Variants in TSGA10 observed in about 807,000 individuals in gnomAD.
The protein encoded by TSGA10 is testis specific 10.
In TSGA10, 43 loss-of-function variants were observed where a neutral mutation model predicts 96.6. The ratio of observed to expected loss-of-function variants is 0.44; its 90% CI spans 0.35 to 0.57. The LOEUF (loss-of-function observed/expected upper bound fraction) is 0.57, where lower values mean the gene tolerates loss of function less well. TSGA10 is among the 20% of genes least tolerant of loss of function. The probability of loss-of-function intolerance (pLI) is 0.01; values close to 1 mark genes in which losing one functional copy is unlikely to be tolerated. For synonymous variants in TSGA10, 229 were observed against 269.9 expected (o/e 0.85, Z 1.48); for missense variants, 703 against 834.4 (o/e 0.84, Z 1.94).
intron 4 of TSGA10, among the ~76,000 whole-genome samples, chr2:99,116,017 A>T (rs2092235704): frequency 6.6e-6 from 1 of 152,226 alleles, no homozygotes; most frequent in Non-Finnish European, 1.5e-5. Flanking sequence ...AATTACTTTA[A>T]CAGTGACTTC....
chr2:99,031,854 C>T (rs1362069121), intron 17 of TSGA10, among the ~76,000 whole-genome samples: 3 of 152,192 alleles, frequency 2.0e-5, no homozygotes, highest in Admixed American at 6.5e-5. Flanking sequence ...CTCAGTTGTG[C>T]ACTCTTTAAA....
At chr2:99,060,861 C>T (rs1437021207) in intron 16 of TSGA10, among the ~76,000 whole-genome samples, 1 of 152,070 alleles carries the variant, frequency 6.6e-6, no homozygotes, top group Non-Finnish European at 1.5e-5. Flanking sequence ...TGCTGGATAC[C>T]TTCATATCTG....
intron 16 of TSGA10, among the ~76,000 whole-genome samples, chr2:99,063,841 A>G (rs561731176): frequency 1.8e-4 from 27 of 152,236 alleles, no homozygotes; most frequent in African/African-American, 5.3e-4. Context: ...TAAGCTATGC[A>G]ATAGAAAAAT....
At chr2:99,087,272 C>G (rs2088631977) in intron 10 of TSGA10, among the ~76,000 whole-genome samples, 1 of 151,764 alleles carries the variant, frequency 6.6e-6, no homozygotes, top group South Asian at 2.1e-4. Context: ...TTTGGGAGGT[C>G]GAGGCAGGCA....
At chr2:99,081,466 C>T in intron 10 of TSGA10, 69 bp from the exon 11 acceptor site, 3 of 734,176 alleles carry the variant, frequency 4.1e-6, no homozygotes, top group South Asian at 5.2e-5. Context: ...GTGTTTAAAT[C>T]TAAAAACTTT....
intron 10 of TSGA10, among the ~76,000 whole-genome samples, chr2:99,088,744 A>T (rs2088892033): frequency 6.6e-6 from 1 of 152,222 alleles, no homozygotes; most frequent in Non-Finnish European, 1.5e-5. Flanking sequence ...ATTTTACAGC[A>T]GTCTTATTCA....
intron 15 of TSGA10, 53 bp from the exon 16 acceptor site, chr2:99,065,177 T>A (rs56215600): frequency 6.4e-7 from 1 of 1,556,914 alleles, no homozygotes; most frequent in Non-Finnish European, 8.7e-7. Flanking sequence ...ATGATAAAAA[T>A]TAAACATTAT....
At chr2:99,098,812 G>A (rs192809490) in intron 10 of TSGA10, among the ~76,000 whole-genome samples, 50 of 152,074 alleles carry the variant, frequency 3.3e-4, no homozygotes, top group African/African-American at 9.6e-4. Flanking sequence ...ACTAACTTGC[G>A]TAAGAAGGAA....
At chr2:99,146,011 CG>C (rs1299115191) in intron 1 of TSGA10, among the ~76,000 whole-genome samples, 1 of 152,020 alleles carries the variant, frequency 6.6e-6, no homozygotes, top group Non-Finnish European at 1.5e-5. Context: ...TGGCCAGGTA[CG>C]GTGGCTCATG....
intron 1 of TSGA10, among the ~76,000 whole-genome samples, chr2:99,137,000 C>T (rs1476010924): frequency 8.7e-6 from 1 of 115,128 alleles, no homozygotes; most frequent in Non-Finnish European, 2.0e-5. Context: ...AAACAGACTT[C>T]CTTTTTTTTT....
At chr2:99,059,688 T>C (rs996748878) in intron 16 of TSGA10, among the ~76,000 whole-genome samples, 2 of 150,352 alleles carry the variant, frequency 1.3e-5, no homozygotes, top group Middle Eastern at 3.5e-3. Context: ...GACAAGGGAA[T>C]GTTTTCAACT....
At chr2:99,063,774 C>T (rs2084950211) in intron 16 of TSGA10, among the ~76,000 whole-genome samples, 1 of 146,994 alleles carries the variant, frequency 6.8e-6, no homozygotes, top group Non-Finnish European at 1.5e-5. Flanking sequence ...CCACTGCACT[C>T]CAGCCTGGCG....
chr2:99,112,862 C>A (rs2091933639), intron 4 of TSGA10, among the ~76,000 whole-genome samples: 1 of 144,162 alleles, frequency 6.9e-6, no homozygotes, highest in Non-Finnish European at 1.5e-5. Context: ...TCCCCCACCC[C>A]ACCCTTTGTT....
In TSGA10 at chr2:99,012,356, G is replaced by A. The variant is rs530197611; in HGVS notation, c.2072+5844C>T. Reference sequence around the variant, plus strand: ...TCTTAATACTAATGTTGAATGTAAAGAGCCTAAATAGTCCACTTAAAAGAT... The same window carrying A: ...TCTTAATACTAATGTTGAATGTAAAAAGCCTAAATAGTCCACTTAAAAGAT... On this transcript the variant is annotated intron_variant, in intron 20 of 20. Coordinates refer to ENST00000393483, the MANE Select transcript of TSGA10 (RefSeq NM_025244.4). 3.5e-4 allele frequency among the ~76,000 whole-genome samples: 54 copies of A among 152,216 alleles called. 1 individual carries two copies. In the South Asian group the frequency reaches 0.011, roughly 30 times the overall value.
chr2:99,086,331 T>C (rs1371289402), intron 10 of TSGA10, among the ~76,000 whole-genome samples: 3 of 152,210 alleles, frequency 2.0e-5, no homozygotes, highest in East Asian at 1.9e-4. Flanking sequence ...TAAACATGTA[T>C]GTTAAAAGTT....
intron 2 of TSGA10, among the ~76,000 whole-genome samples, chr2:99,123,929 G>A (rs1360912782): frequency 6.6e-6 from 1 of 152,168 alleles, no homozygotes; most frequent in Non-Finnish European, 1.5e-5. Context: ...GAATAATGCT[G>A]CTATGAGCAT....
intron 16 of TSGA10, among the ~76,000 whole-genome samples, chr2:99,062,183 C>T (rs1023973438): frequency 6.6e-6 from 1 of 151,912 alleles, no homozygotes; most frequent in Non-Finnish European, 1.5e-5. Context: ...ATTAACAAGC[C>T]TAATCTGTAA....
chr2:99,011,895 C>A (rs1299069906), intron 20 of TSGA10, among the ~76,000 whole-genome samples: 2 of 151,938 alleles, frequency 1.3e-5, no homozygotes, highest in East Asian at 3.9e-4. Flanking sequence ...ATCAGGATAC[C>A]CAAAGTCAAG....
chr2:99,055,304 T>C (rs2083848084), intron 16 of TSGA10, among the ~76,000 whole-genome samples: 1 of 152,090 alleles, frequency 6.6e-6, no homozygotes, highest in Admixed American at 6.5e-5. Flanking sequence ...TCTAAAAAAG[T>C]TGAGCTCATA....
Sources: allele counts gnomAD v4.1 joint callset (sites outside exome capture counted in the v4.1 genomes callset), GRCh38; gene constraint gnomAD v4.1.1; transcripts MANE v1.5; gene names NCBI Gene and HGNC (gene_info 2026-07-23, HGNC 2026-07-21).